The following PTPRT variants were observed in gnomAD, a reference collection of about 807,000 sequenced individuals.
PTPRT encodes protein tyrosine phosphatase receptor type T, also known as receptor-type tyrosine-protein phosphatase T.
Under a neutral mutation model 176.8 loss-of-function variants are expected in PTPRT, and 56 were observed. That is an observed-to-expected ratio of 0.32 (90% CI 0.26 to 0.40). The LOEUF is 0.40. Among genes scored for constraint, PTPRT ranks in the 10% least tolerant of loss-of-function variants. The pLI is 1.00. For missense variants in PTPRT, 1,540 were observed against 1,908.2 expected (o/e 0.81, Z 3.60); for synonymous variants, 783 against 739.0 (o/e 1.06, Z -0.96).
intron 2 of PTPRT, among the ~76,000 whole-genome samples, chr20:42,871,308 C>G (rs2078842075): frequency 7.1e-5 from 1 of 14,074 alleles, no homozygotes; most frequent in African/African-American, 2.8e-4. Context: ...TCTATTTCAG[C>G]CCTTTTTAAA....
chr20:42,581,472 T>C (rs1269893347), intron 7 of PTPRT, among the ~76,000 whole-genome samples: 1 of 151,280 alleles, frequency 6.6e-6, no homozygotes, highest in Non-Finnish European at 1.5e-5. Flanking sequence ...AGCTGACACA[T>C]GGCAGGTGCT....
At chr20:42,899,299 G>A (rs963341053) in intron 1 of PTPRT, among the ~76,000 whole-genome samples, 2 of 152,246 alleles carry the variant, frequency 1.3e-5, no homozygotes, top group African/African-American at 4.8e-5. Flanking sequence ...AAAAGGTGAG[G>A]AAAGGTTTTC....
chr20:42,287,749 A>G (rs757886546), intron 12 of PTPRT, among the ~76,000 whole-genome samples: 25 of 151,926 alleles, frequency 1.6e-4, no homozygotes, highest in Non-Finnish European at 2.4e-4. Context: ...AGAAATGGTA[A>G]ATATTCAAAA....
chr20:42,527,637 T>C (rs2072302374), intron 7 of PTPRT, among the ~76,000 whole-genome samples: 2 of 152,334 alleles, frequency 1.3e-5, no homozygotes, highest in East Asian at 3.9e-4. Flanking sequence ...TATCTCAAAA[T>C]CAGAAGTCTG....
chr20:42,545,218 T>C (rs2145593542), intron 7 of PTPRT, among the ~76,000 whole-genome samples: 1 of 152,330 alleles, frequency 6.6e-6, no homozygotes, highest in East Asian at 1.9e-4. Flanking sequence ...GACTTTTACC[T>C]TGGAATTCCG....
intron 2 of PTPRT, among the ~76,000 whole-genome samples, chr20:42,852,311 C>T (rs1051428043): frequency 1.3e-5 from 2 of 152,056 alleles, no homozygotes; most frequent in Non-Finnish European, 2.9e-5. Flanking sequence ...CTTTTATGTG[C>T]CTCTGTGTTA....
Position 43,037,903 on chromosome 20 carries a change from C to T in PTPRT, c.88+151743G>A, listed in dbSNP as rs181755886. 7.4e-3 allele frequency among the ~76,000 whole-genome samples: 1,127 copies of T among 152,278 alleles called. 7 individuals carry two copies. The highest frequency in any genetic ancestry group is 0.026 in the African/African-American group (1,060 of 41,540). On this transcript the variant is annotated intron_variant, in intron 1 of 30. Coordinates refer to ENST00000373187, the MANE Select transcript of PTPRT (RefSeq NM_007050.6). ...GTGATATCATACCCTTGTTGGTCTC[C>T]TTCTCTTCCATCTGTTTTTCCTGAG...
chr20:42,847,613 C>G (rs2078397041), intron 2 of PTPRT, among the ~76,000 whole-genome samples: 1 of 152,172 alleles, frequency 6.6e-6, no homozygotes, highest in Admixed American at 6.5e-5. Flanking sequence ...CACTGGGACA[C>G]TAAATGGGGC....
chr20:42,034,069 C>T, the PTPRT span, among the ~76,000 whole-genome samples: 1 of 152,312 alleles, frequency 6.6e-6, no homozygotes, highest in Non-Finnish European at 1.5e-5. Context: ...TAAAATAACA[C>T]ACCTTTAATG....
intron 1 of PTPRT, among the ~76,000 whole-genome samples, chr20:43,084,090 G>A (rs1193372386): frequency 6.6e-6 from 1 of 152,138 alleles, no homozygotes; most frequent in Non-Finnish European, 1.5e-5. Context: ...GTCTTCCTGT[G>A]GACGTAGGTT....
At chr20:42,102,550 C>T (rs1266841494) in intron 25 of PTPRT, among the ~76,000 whole-genome samples, 1 of 152,162 alleles carries the variant, frequency 6.6e-6, no homozygotes, top group Non-Finnish European at 1.5e-5. Flanking sequence ...CACACACAGG[C>T]TCAGACACAG....
chr20:42,956,989 A>C (rs993107489), intron 1 of PTPRT, among the ~76,000 whole-genome samples: 5 of 152,216 alleles, frequency 3.3e-5, no homozygotes, highest in African/African-American at 1.2e-4. Context: ...TTGGAAATGC[A>C]GATTTCTGGG....
intron 1 of PTPRT, among the ~76,000 whole-genome samples, chr20:43,115,685 C>A (rs1192081530): frequency 6.6e-6 from 1 of 152,160 alleles, no homozygotes; most frequent in Non-Finnish European, 1.5e-5. Flanking sequence ...AATGTCAATT[C>A]AATTACCAAT....
intron 12 of PTPRT, among the ~76,000 whole-genome samples, chr20:42,292,930 A>G (rs1239780684): frequency 6.6e-6 from 1 of 152,234 alleles, no homozygotes; most frequent in Non-Finnish European, 1.5e-5. Flanking sequence ...CTAGCTCACT[A>G]GAAAGCACGT....
intron 9 of PTPRT, among the ~76,000 whole-genome samples, chr20:42,421,763 G>A (rs553657633): frequency 1.3e-5 from 2 of 152,168 alleles, no homozygotes; most frequent in East Asian, 3.9e-4. Context: ...CCAGCAAAAA[G>A]AACAAAGCTG....
intron 1 of PTPRT, among the ~76,000 whole-genome samples, chr20:43,023,872 T>C (rs1029268976): frequency 6.6e-6 from 1 of 152,158 alleles, no homozygotes; most frequent in Non-Finnish European, 1.5e-5. Flanking sequence ...GCCCCCACAC[T>C]GAGGTTCCCC....
chr20:43,023,520 C>T (rs1012518513), intron 1 of PTPRT, among the ~76,000 whole-genome samples: 1 of 152,200 alleles, frequency 6.6e-6, no homozygotes, highest in African/African-American at 2.4e-5. Flanking sequence ...ATGTTAATTT[C>T]CAATCATGTT....
chr20:42,663,318 A>T lies in PTPRT; in HGVS notation c.1153+14548T>A, dbSNP rs116692989. On this transcript the variant is annotated intron_variant, in intron 7 of 30. Coordinates refer to ENST00000373187, the MANE Select transcript of PTPRT (RefSeq NM_007050.6). ...AGGGAGGAAACAGAAAGAGGTGAAA[A>T]TTTCTTGCCTGTTGAAAGGACTTTT... 4.4e-3 allele frequency among the ~76,000 whole-genome samples: 674 copies of T among 152,130 alleles called. 6 individuals carry two copies. Among genetic ancestry groups the T allele is most frequent in the African/African-American group, 0.016 (658 of 41,478 alleles).
At chr20:42,171,550 C>A (rs1210963340) in intron 16 of PTPRT, among the ~76,000 whole-genome samples, 1 of 152,026 alleles carries the variant, frequency 6.6e-6, no homozygotes. Context: ...TTGAAGAACA[C>A]AATTTTAAGC....
Sources: gnomAD v4.1 joint callset for allele counts (sites outside exome capture counted in the v4.1 genomes callset) on GRCh38, gnomAD v4.1.1 for gene constraint, MANE v1.5 for transcripts, NCBI Gene and HGNC (gene_info 2026-07-23, HGNC 2026-07-21) for gene names.